The following SCHIP1 variants were observed in gnomAD, a reference collection of about 807,000 sequenced individuals.
The protein encoded by SCHIP1 is schwannomin-interacting protein 1.
A neutral mutation model predicts 29.7 loss-of-function variants in SCHIP1; 8 were observed. The observed-to-expected ratio is 0.27, with a 90% CI of 0.16 to 0.49. The LOEUF (loss-of-function observed/expected upper bound fraction) is 0.49, where lower values mean the gene tolerates loss of function less well. Among genes scored for constraint, SCHIP1 ranks in the 20% least tolerant of loss-of-function variants. The pLI, the probability that SCHIP1 is intolerant of heterozygous loss-of-function variation, is 0.99. For synonymous variants in SCHIP1, 76 were observed against 94.9 expected, an observed-to-expected ratio of 0.80 and a Z score of 1.16; for missense variants, 193 against 294.6, an observed-to-expected ratio of 0.66 and a Z score of 2.52.
At chr3:159,352,300 C>G in the SCHIP1 span, among the ~76,000 whole-genome samples, 1 of 152,186 alleles carries the variant, frequency 6.6e-6, no homozygotes, top group Admixed American at 6.5e-5. Flanking sequence ...TCTCTTGCCC[C>G]AGGCCCTCTG....
chr3:159,548,141 T>G, the SCHIP1 span, among the ~76,000 whole-genome samples: 2 of 152,106 alleles, frequency 1.3e-5, no homozygotes, highest in Non-Finnish European at 2.9e-5. Context: ...ATTACATTTT[T>G]TTGTTGTAAT....
At chr3:159,356,681 G>C in the SCHIP1 span, among the ~76,000 whole-genome samples, 4 of 152,172 alleles carry the variant, frequency 2.6e-5, no homozygotes, top group African/African-American at 9.7e-5. Context: ...GTGTGCCAGG[G>C]TCTGAAAGAG....
chr3:159,432,085 C>A, the SCHIP1 span, among the ~76,000 whole-genome samples: 1 of 152,000 alleles, frequency 6.6e-6, no homozygotes. Context: ...CTGGCTTGGG[C>A]TCTGTCATGA....
the SCHIP1 span, among the ~76,000 whole-genome samples, chr3:159,647,864 G>T: frequency 2.6e-5 from 4 of 152,112 alleles, no homozygotes; most frequent in Non-Finnish European, 4.4e-5. Context: ...GAAACATTAT[G>T]TTTCTTTAAG....
the SCHIP1 span, among the ~76,000 whole-genome samples, chr3:159,430,084 G>C: frequency 6.6e-6 from 1 of 152,112 alleles, no homozygotes; most frequent in South Asian, 2.1e-4. Context: ...TTTAGAAAAG[G>C]ATGCATAGGT....
At chr3:159,495,824 G>A in the SCHIP1 span, among the ~76,000 whole-genome samples, 73 of 151,882 alleles carry the variant, frequency 4.8e-4, no homozygotes, top group African/African-American at 1.7e-3. Context: ...AAAAGAACCT[G>A]GAGGCATCAG....
chr3:159,771,490 T>C, the SCHIP1 span, among the ~76,000 whole-genome samples: 1 of 152,338 alleles, frequency 6.6e-6, no homozygotes, highest in South Asian at 2.1e-4. Context: ...TTTTTTTTCT[T>C]TTTACTGTAA....
the SCHIP1 span, among the ~76,000 whole-genome samples, chr3:159,780,605 G>A: frequency 6.6e-6 from 1 of 152,188 alleles, no homozygotes; most frequent in Non-Finnish European, 1.5e-5. Context: ...TGTTCAAAGT[G>A]TCATAAATGT....
At chr3:159,895,858 G>A (rs1718009373) in intron 6 of SCHIP1, among the ~76,000 whole-genome samples, 1 of 152,114 alleles carries the variant, frequency 6.6e-6, no homozygotes, top group Non-Finnish European at 1.5e-5. Context: ...ACCATGCCCA[G>A]CTAATTTTTG....
intron 2 of SCHIP1, among the ~76,000 whole-genome samples, chr3:159,885,218 T>G (rs1716843665): frequency 6.6e-6 from 1 of 152,210 alleles, no homozygotes; most frequent in Admixed American, 6.5e-5. Flanking sequence ...TCCTCTGCCC[T>G]AAACCTGGCT....
At chr3:159,439,230 A>G in the SCHIP1 span, among the ~76,000 whole-genome samples, 1 of 152,090 alleles carries the variant, frequency 6.6e-6, no homozygotes, top group Non-Finnish European at 1.5e-5. Flanking sequence ...TAATACTGCT[A>G]TAAAGAATTG....
chr3:159,340,423 A>G, the SCHIP1 span, among the ~76,000 whole-genome samples: 3 of 152,102 alleles, frequency 2.0e-5, no homozygotes, highest in Admixed American at 6.6e-5. Flanking sequence ...TACTACATAT[A>G]ATTATGATTA....
At chr3:159,542,542 C>T in the SCHIP1 span, among the ~76,000 whole-genome samples, 371 of 152,130 alleles carry the variant, frequency 2.4e-3, 1 homozygote, top group African/African-American at 8.5e-3. Flanking sequence ...TTCACATACC[C>T]GTATTCATTC....
the SCHIP1 span, among the ~76,000 whole-genome samples, chr3:159,279,929 A>G: frequency 1.3e-5 from 2 of 151,946 alleles, no homozygotes; most frequent in South Asian, 2.1e-4. Flanking sequence ...AATACCCCTC[A>G]CTTTTCTGAG....
the SCHIP1 span, among the ~76,000 whole-genome samples, chr3:159,800,737 C>T: frequency 6.6e-6 from 1 of 150,806 alleles, no homozygotes; most frequent in Non-Finnish European, 1.5e-5. Flanking sequence ...TTATACAGGG[C>T]AGAGGTATGT....
the SCHIP1 span, among the ~76,000 whole-genome samples, chr3:159,620,118 T>C: frequency 2.0e-5 from 3 of 152,324 alleles, no homozygotes; most frequent in African/African-American, 7.2e-5. Flanking sequence ...GACCAGTGCC[T>C]CTGTCACTGT....
At chr3:159,495,267 C>T in the SCHIP1 span, among the ~76,000 whole-genome samples, 116 of 152,274 alleles carry the variant, frequency 7.6e-4, no homozygotes, top group African/African-American at 2.6e-3. Context: ...GGCAATCAGG[C>T]AGGAGAAGGA....
the SCHIP1 span, among the ~76,000 whole-genome samples, chr3:159,536,516 A>T: frequency 6.6e-6 from 1 of 152,210 alleles, no homozygotes. Context: ...AAAAACCAAG[A>T]TACCCTCTGT....
chr3:159,894,387 GGT>G (rs1377668075), intron 6 of SCHIP1: 3 of 152,186 alleles, frequency 2.0e-5, no homozygotes, highest in African/African-American at 7.2e-5. Context: ...AGTTGACCCT[GGT>G]GTGTCAGGGT....
Sources: allele counts gnomAD v4.1 joint callset (sites outside exome capture counted in the v4.1 genomes callset), GRCh38; gene constraint gnomAD v4.1.1; transcripts MANE v1.5; gene names NCBI Gene and HGNC (gene_info 2026-07-23, HGNC 2026-07-21).